Variants in TSPAN9 observed in about 807,000 individuals in gnomAD.
TSPAN9 encodes the protein tetraspanin-9.
In TSPAN9, 16 loss-of-function variants were observed where a neutral mutation model predicts 31.0. The ratio of observed to expected loss-of-function variants is 0.52; its 90% confidence interval spans 0.35 to 0.78. TSPAN9 has a LOEUF of 0.78. Among genes scored for constraint, TSPAN9 ranks in the 30% least tolerant of loss-of-function variants. The pLI is 0.01. For synonymous variants in TSPAN9, 145 were observed against 121.6 expected (o/e 1.19, Z -1.27); for missense variants, 272 against 312.5 (o/e 0.87, Z 0.98).
intron 3 of TSPAN9, among the ~76,000 whole-genome samples, chr12:3,261,695 G>A (rs906762622): frequency 2.0e-5 from 3 of 152,190 alleles, no homozygotes; most frequent in Non-Finnish European, 4.4e-5. Flanking sequence ...GAGAAGCAAC[G>A]TGGGCACCCT....
chr12:3,105,019 C>T (rs1055936216), intron 2 of TSPAN9, among the ~76,000 whole-genome samples: 20 of 152,218 alleles, frequency 1.3e-4, no homozygotes, highest in Admixed American at 1.2e-3. Flanking sequence ...AGGGCAGGCC[C>T]TCTGCTTTAA....
chr12:3,277,769 G>A (rs1862816544), intron 3 of TSPAN9, among the ~76,000 whole-genome samples: 1 of 152,190 alleles, frequency 6.6e-6, no homozygotes. Context: ...CCAGAGGCCA[G>A]CTTATTGGAT....
intron 2 of TSPAN9, among the ~76,000 whole-genome samples, chr12:3,186,563 T>C (rs1227345701): frequency 6.6e-6 from 1 of 151,546 alleles, no homozygotes; most frequent in Non-Finnish European, 1.5e-5. Context: ...TGTGTGTGTG[T>C]GTGTGTGTGT....
intron 2 of TSPAN9, among the ~76,000 whole-genome samples, chr12:3,118,240 C>T (rs185472787): frequency 1.2e-3 from 178 of 143,256 alleles, no homozygotes; most frequent in African/African-American, 4.1e-3. Flanking sequence ...GATTCCGCAC[C>T]GCCCCTGCAC....
In TSPAN9 at chr12:3,168,441, C is replaced by T. The variant is rs775137546; in HGVS notation, c.-17-32736C>T. 2.0e-5 allele frequency among the ~76,000 whole-genome samples: 3 copies of T among 152,112 alleles called. No homozygotes were observed. The highest frequency in any genetic ancestry group is 2.9e-5 in the Non-Finnish European group (2 of 68,038). ...ACTGGGCCTGTCTGCAGCTGCTCAGCGTCAAGCACACAGGACAGAATGAAT... is the reference window on the plus strand; with the variant it reads ...ACTGGGCCTGTCTGCAGCTGCTCAGTGTCAAGCACACAGGACAGAATGAAT... On this transcript the variant is annotated intron_variant, in intron 2 of 8. Coordinates refer to ENST00000011898, the MANE Select transcript of TSPAN9 (RefSeq NM_006675.5). The surrounding 1 kb of genome is among the most constrained non-coding windows in gnomAD (Gnocchi z 4.0).
intron 3 of TSPAN9, among the ~76,000 whole-genome samples, chr12:3,220,145 CA>C (rs55735802): frequency 0.91 from 124,887 of 137,524 alleles, 57,390 homozygotes; most frequent in South Asian, 0.98. Flanking sequence ...AACTCTGTCT[CA>C]AAAAAAAAAA....
At chr12:3,245,310 C>T (rs918430470) in intron 3 of TSPAN9, among the ~76,000 whole-genome samples, 2 of 152,188 alleles carry the variant, frequency 1.3e-5, no homozygotes, top group Non-Finnish European at 2.9e-5. Flanking sequence ...GGGGTGGTGC[C>T]CAGGGGATGC....
chr12:3,235,059 C>G (rs1326945780), intron 3 of TSPAN9, among the ~76,000 whole-genome samples: 1 of 147,668 alleles, frequency 6.8e-6, no homozygotes, highest in Admixed American at 6.7e-5. Flanking sequence ...CCCAGCTACT[C>G]GGGAGGCTGA....
chr12:3,080,086 G>C (rs2098297165), intron 1 of TSPAN9, among the ~76,000 whole-genome samples: 1 of 151,890 alleles, frequency 6.6e-6, no homozygotes. Context: ...ACCACGCCCA[G>C]CCCCTTTCCT....
At chr12:3,132,726 A>G (rs2098330336) in intron 2 of TSPAN9, among the ~76,000 whole-genome samples, 1 of 152,022 alleles carries the variant, frequency 6.6e-6, no homozygotes, top group Non-Finnish European at 1.5e-5. Flanking sequence ...CAGATATTTG[A>G]CTTTTTCCTA....
At chr12:3,165,132 T>A (rs532297642) in intron 2 of TSPAN9, among the ~76,000 whole-genome samples, 3 of 152,174 alleles carry the variant, frequency 2.0e-5, no homozygotes, top group African/African-American at 7.2e-5. Context: ...AGACAGGTGG[T>A]GGAGCTAGAG....
chr12:3,281,799 G>A lies in TSPAN9; in HGVS notation c.630G>A (p.Met210Ile), dbSNP rs1382972594. 2.5e-6 allele frequency: 4 copies of A among 1,614,190 alleles called. No individual in the cohort carries two copies. In the East Asian group the frequency reaches 8.9e-5, roughly 36 times the overall value. ...DNKHVLGTVG[M>I]CILIMQILGM... ...AGCACGTGCTGGGCACGGTGGGGAT[G>A]TGCATCCTCATCATGCAGGTAAGAG... The change falls in exon 8 of 9, where the codon ATG becomes ATA. Residue 210 changes from methionine (M) to isoleucine (I), a missense_variant. By Grantham distance (10) the Met-to-Ile change is conservative. Coordinates refer to ENST00000011898, the MANE Select transcript of TSPAN9 (RefSeq NM_006675.5).
intron 3 of TSPAN9, among the ~76,000 whole-genome samples, chr12:3,249,371 A>G (rs747903210): frequency 6.6e-6 from 1 of 151,858 alleles, no homozygotes; most frequent in African/African-American, 2.4e-5. Flanking sequence ...CCTGCCCACC[A>G]TTCTCTCCAG....
At chr12:3,243,705 C>T (rs2072204856) in intron 3 of TSPAN9, among the ~76,000 whole-genome samples, 1 of 152,130 alleles carries the variant, frequency 6.6e-6, no homozygotes, top group Non-Finnish European at 1.5e-5. Context: ...GGGTTGACGC[C>T]CGTGGTCTGG....
chr12:3,267,675 G>A (rs548977157), intron 3 of TSPAN9, among the ~76,000 whole-genome samples: 1 of 152,204 alleles, frequency 6.6e-6, no homozygotes, highest in Non-Finnish European at 1.5e-5. Context: ...AAATATGCTG[G>A]TGGTTGGAAA....
At chr12:3,241,303 A>C (rs1384059797) in intron 3 of TSPAN9, among the ~76,000 whole-genome samples, 1 of 152,206 alleles carries the variant, frequency 6.6e-6, no homozygotes, top group African/African-American at 2.4e-5. Flanking sequence ...GGAACGATTA[A>C]ATGATAGGGG....
intron 3 of TSPAN9, among the ~76,000 whole-genome samples, chr12:3,248,706 T>C (rs1862186891): frequency 6.6e-6 from 1 of 152,126 alleles, no homozygotes. Context: ...TTATGCCCCC[T>C]GCTCCCCAAA....
rs542404095 is a variant in TSPAN9, at chr12:3,115,357, C to T, written c.-18+31638C>T. ...TTGACTGACTTGTGAGTTATTACCA[C>T]CTTTTCTGGCTTAGACATAATGTGG... On this transcript the variant is annotated intron_variant, in intron 2 of 8. Transcript: ENST00000011898. Among the ~76,000 whole-genome samples, 3 of 152,326 alleles carry T rather than the reference C, an allele frequency of 2.0e-5. 1 individual carries two copies. The South Asian group carries it at 6.2e-4, about 32-fold the overall frequency.
Position 3,192,359 on chromosome 12 carries a change from G to A in TSPAN9, c.-17-8818G>A, listed in dbSNP as rs78913407. ...GGAATGGAAGGCTGCAGGGGCTGCC[G>A]CAGGACCCCAGGCGAGCCATGAAGC... On this transcript the variant is annotated intron_variant, in intron 2 of 8. Coordinates refer to ENST00000011898, the MANE Select transcript of TSPAN9 (RefSeq NM_006675.5). This position sits in a 1 kb window ranked among gnomAD's most constrained non-coding sequence, Gnocchi z 4.6. 4.4e-3 allele frequency among the ~76,000 whole-genome samples: 668 copies of A among 152,218 alleles called. 3 individuals are homozygous for A. The highest frequency in any genetic ancestry group is 0.015 in the African/African-American group (635 of 41,530).
Sources: gnomAD v4.1 joint callset for allele counts (sites outside exome capture counted in the v4.1 genomes callset) on GRCh38, gnomAD v4.1.1 for gene constraint, Gnocchi (gnomAD v3.1) non-coding constraint, MANE v1.5 for transcripts, NCBI Gene and HGNC (gene_info 2026-07-23, HGNC 2026-07-21) for gene names.